The following C1QL4 variants were observed in gnomAD, a reference collection of about 807,000 sequenced individuals.
The protein encoded by C1QL4 is complement C1q like 4, also known as complement C1q-like protein 4.
A neutral mutation model predicts 13.4 loss-of-function variants in C1QL4; 5 were observed. The ratio of observed to expected loss-of-function variants is 0.37; its 90% CI spans 0.19 to 0.78. The LOEUF (loss-of-function observed/expected upper bound fraction) is 0.78, where lower values mean the gene tolerates loss of function less well. Among genes scored for constraint, C1QL4 ranks in the 30% least tolerant of loss-of-function variants. C1QL4 has a pLI of 0.47. For synonymous variants in C1QL4, 168 were observed against 153.9 expected, an observed-to-expected ratio of 1.09 and a Z score of -0.68; for missense variants, 367 against 361.6, an observed-to-expected ratio of 1.01 and a Z score of -0.12.
intron 1 of C1QL4, among the ~76,000 whole-genome samples, chr12:49,334,780 T>C (rs1943618951): frequency 6.6e-6 from 1 of 152,148 alleles, no homozygotes; most frequent in Non-Finnish European, 1.5e-5. Flanking sequence ...ACACACTCCC[T>C]GACACACATA....
chr12:49,336,187 C>T lies in C1QL4; in HGVS notation c.291G>A (p.Pro97=), dbSNP rs376058099. The T allele has an allele frequency of 5.7e-5, 91 of 1,585,314 alleles. No individual in the cohort carries two copies. In the African/African-American group the frequency reaches 9.5e-4, roughly 17 times the overall value. Residue 97 remains proline, a synonymous_variant, in exon 1 of 2, where the codon CCG becomes CCA. Coordinates refer to ENST00000334221, the MANE Select transcript of C1QL4 (RefSeq NM_001008223.2). The surrounding 1 kb of genome is among the most constrained non-coding windows in gnomAD (Gnocchi z 7.7). ...PGPPGPPGPG[P]GGVAPAAGYV... is the part of the protein sequence containing the mutation. ...AGCCGGCAGCGGGCGCCACCCCGCC[C>T]GGACCTGGACCGGGAGGGCCCGGGG...
chr12:49,335,895 T>A, intron 1 of C1QL4, 46 bp downstream of exon 1: 1 of 1,563,392 alleles, frequency 6.4e-7, no homozygotes, highest in South Asian at 1.2e-5. Flanking sequence ...CAGGGAGATC[T>A]AGAGAGCGAC....
Position 49,332,963 on chromosome 12 carries a change from C to T in C1QL4, c.*91G>A. On this transcript the variant is annotated 3_prime_UTR_variant, in exon 2 of 2. Transcript: ENST00000334221. ...AGGGTCCACCCCACCGCCAGGCTCT[C>T]AAAGGGTGGGGTGGCGCCTCGGGTG... 1 of 1,361,000 alleles carries T rather than the reference C, an allele frequency of 7.3e-7. No individual in the cohort carries two copies. Among genetic ancestry groups the T allele is most frequent in the Non-Finnish European group, 9.9e-7 (1 of 1,007,340 alleles). The allele number at this position is 1,361,000 out of a possible 1,614,324, so 84.3% of individuals were successfully genotyped here.
At chr12:49,333,473 G>A (rs1412868449) in intron 1 of C1QL4, among the ~76,000 whole-genome samples, 3 of 151,914 alleles carry the variant, frequency 2.0e-5, no homozygotes, top group African/African-American at 7.3e-5. Flanking sequence ...GACAATAATA[G>A]AACCCACCTC....
In C1QL4 at chr12:49,336,455, G is replaced by A; in HGVS notation, c.23C>T (p.Ala8Val). 6.5e-7 allele frequency: 1 copy of A among 1,547,680 alleles called. No homozygotes were observed. The highest frequency in any genetic ancestry group is 8.6e-7 in the Non-Finnish European group (1 of 1,160,324). The change falls in exon 1 of 2, where the codon GCC becomes GTC. Residue 8 changes from alanine to valine, a missense_variant. Ala to Val is a moderately conservative substitution (Grantham distance 64, BLOSUM62 0). Coordinates refer to ENST00000334221, the MANE Select transcript of C1QL4 (RefSeq NM_001008223.2). The surrounding 1 kb of genome is among the most constrained non-coding windows in gnomAD (Gnocchi z 7.7). ...GGAGCTGTGCACCAGCAGCGGGATG[G>A]CCACCAGCAGCAGCAGCACCATGGC... MVLLLLVAIPLLVHSSRG... is the reference protein window; with the variant it reads MVLLLLVVIPLLVHSSRG...
chr12:49,336,238 G>C lies in C1QL4; in HGVS notation c.240C>G (p.Pro80=), dbSNP rs1332656841. 6.8e-7 allele frequency: 1 copy of C among 1,469,978 alleles called. No homozygotes were observed. Among genetic ancestry groups the C allele is most frequent in the African/African-American group, 1.4e-5 (1 of 70,632 alleles). 91.1% of individuals were successfully genotyped at this position (1,469,978 alleles called of 1,614,324 possible). A position where few individuals can be genotyped will look rare whatever the true frequency, so the allele number is the denominator to read the frequency against. The change falls in exon 1 of 2, where the codon CCC becomes CCG. Residue 80 remains proline (P), a synonymous_variant. Coordinates refer to ENST00000334221, the MANE Select transcript of C1QL4 (RefSeq NM_001008223.2). The surrounding 1 kb of genome is among the most constrained non-coding windows in gnomAD (Gnocchi z 7.7). Reference sequence around the variant, plus strand: ...GGCCTGGCCTGCCGGGTTCTCCTGGGGGCCCTCTTGGACCTGGTGGTCCAG... The same window carrying C: ...GGCCTGGCCTGCCGGGTTCTCCTGGCGGCCCTCTTGGACCTGGTGGTCCAG... ...GPPGPPGPRG[P]PGEPGRPGPP...
chr12:49,336,344 G>A lies in C1QL4; in HGVS notation c.134C>T (p.Ala45Val). 7.0e-7 allele frequency: 1 copy of A among 1,428,448 alleles called. No individual in the cohort carries two copies. The highest frequency in any genetic ancestry group is 9.1e-7 in the Non-Finnish European group (1 of 1,101,408). The allele number at this position is 1,428,448 out of a possible 1,614,324, so 88.5% of individuals were successfully genotyped here. ...CGGGAAGGGGGGCACGGAAGCAGGC[G>A]CGCCGTCGGGACCAGGGCCACGGGG... ...HGPRGPGPDG[A>V]PASVPPFPPG... Residue 45 changes from alanine to valine, a missense_variant, in exon 1 of 2, where the codon GCG (alanine) becomes GTG (valine). Physicochemically the swap from Ala to Val is moderately conservative, Grantham distance 64. Coordinates refer to ENST00000334221, the MANE Select transcript of C1QL4 (RefSeq NM_001008223.2). This position sits in a 1 kb window ranked among gnomAD's most constrained non-coding sequence, Gnocchi z 7.7.
chr12:49,336,627 G>T lies in C1QL4; in HGVS notation c.-150C>A. ...GGAGGCGGTGACCCGCCTTGGGCCT[G>T]GGTCTGCACTCCCCCGACGGCTGCC... On this transcript the variant is annotated 5_prime_UTR_variant, in exon 1 of 2. Transcript: ENST00000334221. The surrounding 1 kb of genome is among the most constrained non-coding windows in gnomAD (Gnocchi z 7.7). The T allele has an allele frequency of 1.1e-6, 1 of 888,650 alleles. No homozygotes were observed. The highest frequency in any genetic ancestry group is 1.6e-6 in the Non-Finnish European group (1 of 638,876). 55.0% of individuals were successfully genotyped at this position (888,650 alleles called of 1,614,324 possible).
In C1QL4 at chr12:49,333,185, C is replaced by T. The variant is rs762911768; in HGVS notation, c.586G>A (p.Ala196Thr). ...AGGTGCAGAATGACGCTGTTGCTGGCGTAGTCGTAGTTCTGGTCCGCGTCC... is the reference window on the plus strand; with the variant it reads ...AGGTGCAGAATGACGCTGTTGCTGGTGTAGTCGTAGTTCTGGTCCGCGTCC... ...AQDADQNYDY[A>T]SNSVILHLDV... is the part of the protein sequence containing the mutation. The change falls in exon 2 of 2, where the codon GCC becomes ACC. Residue 196 changes from alanine to threonine, a missense_variant. Transcript: ENST00000334221. 6.2e-7 allele frequency: 1 copy of T among 1,614,080 alleles called. No individual in the cohort carries two copies. The highest frequency in any genetic ancestry group is 1.1e-5 in the South Asian group (1 of 91,076).
Position 49,332,986 on chromosome 12 carries a change from G to A in C1QL4, c.*68C>T, listed in dbSNP as rs937823040. 35 of 1,468,992 alleles carry A rather than the reference G, an allele frequency of 2.4e-5. No homozygotes were observed. The South Asian group carries it at 3.1e-4, about 13-fold the overall frequency. The allele number at this position is 1,468,992 out of a possible 1,614,324, so 91.0% of individuals were successfully genotyped here. A position where few individuals can be genotyped will look rare whatever the true frequency, so the allele number is the denominator to read the frequency against. On this transcript the variant is annotated 3_prime_UTR_variant, in exon 2 of 2. Coordinates refer to ENST00000334221, the MANE Select transcript of C1QL4 (RefSeq NM_001008223.2). ...CTCAAAGGGTGGGGTGGCGCCTCGG[G>A]TGGGGCGGGCAGGAGGTGGGTGAGG...
At position 49,336,187 on chromosome 12, in the gene C1QL4, C is replaced by A. The variant is rs376058099; in HGVS notation, c.291G>T (p.Pro97=). 3 of 1,585,312 alleles carry A rather than the reference C, an allele frequency of 1.9e-6. No individual in the cohort carries two copies. Among genetic ancestry groups the A allele is most frequent in the Non-Finnish European group, 1.7e-6 (2 of 1,166,350 alleles). Residue 97 remains proline (P), a synonymous_variant, in exon 1 of 2, where the codon CCG becomes CCT. Transcript: ENST00000334221. This position sits in a 1 kb window ranked among gnomAD's most constrained non-coding sequence, Gnocchi z 7.7. ...AGCCGGCAGCGGGCGCCACCCCGCC[C>A]GGACCTGGACCGGGAGGGCCCGGGG... The part of the protein sequence containing the change: ...PGPPGPPGPG[P]GGVAPAAGYV...
intron 1 of C1QL4, among the ~76,000 whole-genome samples, chr12:49,335,629 C>A (rs1456185815): frequency 6.6e-6 from 1 of 152,146 alleles, no homozygotes. Context: ...GTTGGCAGGG[C>A]GAGACACCAA....
chr12:49,334,472 G>A (rs1006170547), intron 1 of C1QL4, among the ~76,000 whole-genome samples: 1 of 152,216 alleles, frequency 6.6e-6, no homozygotes, highest in African/African-American at 2.4e-5. Context: ...GGCTCATGGC[G>A]GTCGCTTCGG....
In C1QL4 at chr12:49,336,199, G is replaced by C. The variant is rs529043069; in HGVS notation, c.279C>G (p.Pro93=). Residue 93 remains proline, a synonymous_variant, in exon 1 of 2, where the codon CCC becomes CCG. Transcript: ENST00000334221. This position sits in a 1 kb window ranked among gnomAD's most constrained non-coding sequence, Gnocchi z 7.7. ...EPGRPGPPGP[P]GPGPGGVAPA... ...GCGCCACCCCGCCCGGACCTGGACC[G>C]GGAGGGCCCGGGGGGCCTGGCCTGC... 2.2e-5 allele frequency: 34 copies of C among 1,560,950 alleles called. 1 individual carries two copies. The South Asian group carries it at 4.0e-4, about 18-fold the overall frequency.
At chr12:49,335,045 C>T (rs12828710) in intron 1 of C1QL4, among the ~76,000 whole-genome samples, 5 of 152,258 alleles carry the variant, frequency 3.3e-5, no homozygotes, top group Admixed American at 1.3e-4. Context: ...CCCACACCTG[C>T]GGCCTCTAGT....
At position 49,336,114 on chromosome 12, in the gene C1QL4, C is replaced by G; in HGVS notation, c.364G>C (p.Gly122Arg). 1 of 1,611,518 alleles carries G rather than the reference C, an allele frequency of 6.2e-7. No individual in the cohort carries two copies. The highest frequency in any genetic ancestry group is 1.1e-5 in the South Asian group (1 of 90,998). Residue 122 changes from glycine (G) to arginine (R), a missense_variant, in exon 1 of 2, where the codon GGT (glycine) becomes CGT (arginine). Coordinates refer to ENST00000334221, the MANE Select transcript of C1QL4 (RefSeq NM_001008223.2). The surrounding 1 kb of genome is among the most constrained non-coding windows in gnomAD (Gnocchi z 7.7). ...FYAGLRRPHEGYEVLRFDDVV... is the reference protein window; with the variant it reads ...FYAGLRRPHERYEVLRFDDVV... ...TCGTCGAAGCGCAGCACCTCGTAAC[C>G]CTCGTGGGGCCGCCGCAGGCCCGCG...
intron 1 of C1QL4, among the ~76,000 whole-genome samples, chr12:49,334,855 G>A (rs1311092962): frequency 3.9e-5 from 6 of 152,256 alleles, no homozygotes; most frequent in Admixed American, 3.3e-4. Flanking sequence ...GGGCAGCCCG[G>A]CTGGGATGAG....
At position 49,336,214 on chromosome 12, in the gene C1QL4, G is replaced by T. The variant is rs1385477129; in HGVS notation, c.264C>A (p.Gly88=). Residue 88 remains glycine (G), a synonymous_variant, in exon 1 of 2, where the codon GGC becomes GGA. Coordinates refer to ENST00000334221, the MANE Select transcript of C1QL4 (RefSeq NM_001008223.2). This position sits in a 1 kb window ranked among gnomAD's most constrained non-coding sequence, Gnocchi z 7.7. ...GACCTGGACCGGGAGGGCCCGGGGG[G>T]CCTGGCCTGCCGGGTTCTCCTGGGG... is the stretch of plus-strand genomic sequence containing the variant. ...RGPPGEPGRP[G]PPGPPGPGPG... The T allele has an allele frequency of 2.0e-6, 3 of 1,520,526 alleles. No homozygotes were observed. Among genetic ancestry groups the T allele is most frequent in the Non-Finnish European group, 1.8e-6 (2 of 1,136,664 alleles). 94.2% of individuals were successfully genotyped at this position (1,520,526 alleles called of 1,614,324 possible). A position where few individuals can be genotyped will look rare whatever the true frequency, so the allele number is the denominator to read the frequency against.
chr12:49,333,082 A>G lies in C1QL4; in HGVS notation c.689T>C (p.Phe230Ser). 2 of 1,613,762 alleles carry G rather than the reference A, an allele frequency of 1.2e-6. No homozygotes were observed. Among genetic ancestry groups the G allele is most frequent in the Non-Finnish European group, 1.7e-6 (2 of 1,179,852 alleles). Reference protein sequence around the residue: ...HGGNTNKYSTFSGFIIYPD With the variant: ...HGGNTNKYSTSSGFIIYPD ...GTCGGGGTAGATGATGAAGCCGGAGAAGGTGCTGTACTTGTTGGTGTTGCC... is the reference window on the plus strand; with the variant it reads ...GTCGGGGTAGATGATGAAGCCGGAGGAGGTGCTGTACTTGTTGGTGTTGCC... Residue 230 changes from phenylalanine (F) to serine (S), a missense_variant, in exon 2 of 2, where the codon TTC becomes TCC. Phe to Ser is a radical substitution (Grantham distance 155). Transcript: ENST00000334221.
Sources: gnomAD v4.1 joint callset for allele counts (sites outside exome capture counted in the v4.1 genomes callset) on GRCh38, gnomAD v4.1.1 for gene constraint, Gnocchi (gnomAD v3.1) non-coding constraint, MANE v1.5 for transcripts, NCBI Gene and HGNC (gene_info 2026-07-23, HGNC 2026-07-21) for gene names.